Variants in ACVR1B observed in about 807,000 individuals in gnomAD.
ACVR1B encodes the protein activin A receptor type 1B, also known as activin receptor type-1B.
A neutral mutation model predicts 55.6 loss-of-function variants in ACVR1B; 15 were observed. That is an observed-to-expected ratio of 0.27 (90% confidence interval 0.18 to 0.42). ACVR1B has a LOEUF of 0.42. Ranked by LOEUF, ACVR1B falls within the 10% of genes least tolerant of loss-of-function variation. The pLI, the probability that ACVR1B is intolerant of heterozygous loss-of-function variation, is 1.00. For synonymous variants in ACVR1B, 247 were observed against 254.6 expected (o/e 0.97, Z 0.28); for missense variants, 359 against 670.1 (o/e 0.54, Z 5.13).
rs764739753 is a variant in ACVR1B, at chr12:51,984,249, T to G, written c.979+83T>G. On this transcript the variant is annotated intron_variant, in intron 5 of 8. Transcript: ENST00000257963. ...CCTGATTTAGTTCCTAGAATTCCTT[T>G]TTACTGAGGAAGTTGGGGCTGGACC... 109 of 1,496,928 alleles carry G rather than the reference T, an allele frequency of 7.3e-5. 1 individual carries two copies. The Middle Eastern group carries it at 1.2e-3, about 16-fold the overall frequency. 92.7% of individuals were successfully genotyped at this position (1,496,928 alleles called of 1,614,324 possible). A position where few individuals can be genotyped will look rare whatever the true frequency, so the allele number is the denominator to read the frequency against.
intron 1 of ACVR1B, 111 bp downstream of exon 1, chr12:51,951,945 T>C (rs1388756161): frequency 3.6e-6 from 2 of 553,164 alleles, no homozygotes; most frequent in Non-Finnish European, 5.2e-6. Flanking sequence ...GAGCACAATA[T>C]GGCCGGGTGG....
intron 1 of ACVR1B, among the ~76,000 whole-genome samples, chr12:51,962,401 C>T (rs1379130026): frequency 6.6e-6 from 1 of 151,878 alleles, no homozygotes; most frequent in African/African-American, 2.4e-5. Context: ...ACCATTGGCA[C>T]CTGTAAAATT....
At chr12:51,975,546 A>T (rs954658823) in intron 2 of ACVR1B, 42 bp downstream of exon 2, 18 of 1,593,404 alleles carry the variant, frequency 1.1e-5, no homozygotes, top group Non-Finnish European at 1.5e-5. Context: ...CAGCTTGGAG[A>T]TAGGGTACCC....
rs1461886684 is a variant in ACVR1B, at chr12:51,986,438, G to A, written c.1137-380G>A. ...CATGCCTGGCTAATTTTTTGTATTTGTAATAGAGATGGGGTTTCGCGATGT... is the reference window on the plus strand; with the variant it reads ...CATGCCTGGCTAATTTTTTGTATTTATAATAGAGATGGGGTTTCGCGATGT... On this transcript the variant is annotated intron_variant, in intron 6 of 8. Coordinates refer to ENST00000257963, the MANE Select transcript of ACVR1B (RefSeq NM_004302.5). Among the ~76,000 whole-genome samples the A allele has an allele frequency of 9.2e-5, 14 of 152,046 alleles. 1 individual carries two copies. Among genetic ancestry groups the A allele is most frequent in the Admixed American group, 9.2e-4 (14 of 15,262 alleles).
intron 4 of ACVR1B, among the ~76,000 whole-genome samples, chr12:51,981,824 G>A (rs1036693423): frequency 6.6e-6 from 1 of 151,048 alleles, no homozygotes; most frequent in African/African-American, 2.5e-5. Flanking sequence ...ACTCCAGCCT[G>A]GGCGACAGAG....
intron 4 of ACVR1B, 123 bp downstream of exon 4, chr12:51,981,322 G>A: frequency 2.6e-6 from 2 of 776,678 alleles, no homozygotes; most frequent in Non-Finnish European, 4.0e-6. Flanking sequence ...ACTTGAGTAA[G>A]GTCAAGGTTT....
At position 51,985,497 on chromosome 12, in the gene ACVR1B, C is replaced by T. The variant is rs188346231; in HGVS notation, c.1136+149C>T. On this transcript the variant is annotated intron_variant, in intron 6 of 8. Transcript: ENST00000257963. ...CACTGAAAGTTGAATTGAACATGCACTCCCCACAATGGAAAGTTGCATCAC... is the reference window on the plus strand; with the variant it reads ...CACTGAAAGTTGAATTGAACATGCATTCCCCACAATGGAAAGTTGCATCAC... 60 of 865,272 alleles carry T rather than the reference C, an allele frequency of 6.9e-5. No homozygotes were observed. The African/African-American group carries it at 9.1e-4, about 13-fold the overall frequency. The allele number at this position is 865,272 out of a possible 1,614,324, so 53.6% of individuals were successfully genotyped here. A position where few individuals can be genotyped will look rare whatever the true frequency, so the allele number is the denominator to read the frequency against.
chr12:51,954,983 A>G (rs986849604), intron 1 of ACVR1B, among the ~76,000 whole-genome samples: 1 of 152,166 alleles, frequency 6.6e-6, no homozygotes, highest in Non-Finnish European at 1.5e-5. Flanking sequence ...GATTTCCTCA[A>G]GTTAATTTCT....
intron 1 of ACVR1B, among the ~76,000 whole-genome samples, chr12:51,954,000 C>A (rs1400527898): frequency 1.3e-5 from 2 of 152,118 alleles, no homozygotes; most frequent in Non-Finnish European, 2.9e-5. Context: ...CGTCTAGTTG[C>A]CAATAGTGTA....
intron 2 of ACVR1B, among the ~76,000 whole-genome samples, 155 bp from the exon 3 acceptor site, chr12:51,976,172 G>T (rs1941848556): frequency 6.6e-6 from 1 of 151,952 alleles, no homozygotes; most frequent in Non-Finnish European, 1.5e-5. Flanking sequence ...CATCTAGGCA[G>T]CAAGACTAGC....
At chr12:51,962,749 G>A (rs1019345333) in intron 1 of ACVR1B, among the ~76,000 whole-genome samples, 2 of 152,138 alleles carry the variant, frequency 1.3e-5, no homozygotes, top group African/African-American at 2.4e-5. Context: ...ATTAACAATT[G>A]TCTTTCTTTT....
chr12:51,993,753 T>TGA (rs1307272335), intron 8 of ACVR1B, among the ~76,000 whole-genome samples: 1 of 97,374 alleles, frequency 1.0e-5, no homozygotes, highest in Non-Finnish European at 1.9e-5. Flanking sequence ...GGTGACAGAG[T>TGA]GAGACTCCTT....
chr12:51,973,238 G>C (rs1470838435), intron 1 of ACVR1B, among the ~76,000 whole-genome samples: 1 of 152,228 alleles, frequency 6.6e-6, no homozygotes, highest in African/African-American at 2.4e-5. Flanking sequence ...AAAGGCAACT[G>C]TGGGTTTGGG....
intron 8 of ACVR1B, 161 bp downstream of exon 8, chr12:51,992,154 A>G: frequency 1.1e-6 from 1 of 918,620 alleles, no homozygotes; most frequent in South Asian, 1.7e-5. Flanking sequence ...CTTTAGGGCT[A>G]CAGTCTCTTG....
rs993875069 is a variant in ACVR1B at position 51,964,015 on chromosome 12, T to C, written c.92-11250T>C. On this transcript the variant is annotated intron_variant, in intron 1 of 8. Transcript: ENST00000257963. ...TATAAAGTAGTATCTCATTATGGTT[T>C]TGATTTGCATTTGAATTTGCAATAC... Among the ~76,000 whole-genome samples the C allele has an allele frequency of 3.9e-5, 6 of 152,390 alleles. No individual in the cohort carries two copies. The East Asian group carries it at 9.6e-4, about 24-fold the overall frequency.
intron 1 of ACVR1B, among the ~76,000 whole-genome samples, chr12:51,960,858 A>C (rs547334472): frequency 6.6e-6 from 1 of 152,320 alleles, no homozygotes; most frequent in South Asian, 2.1e-4. Flanking sequence ...TGTGGCTTCT[A>C]GGATCAACTC....
intron 1 of ACVR1B, among the ~76,000 whole-genome samples, chr12:51,966,242 A>AG (rs1941638468): frequency 6.6e-6 from 1 of 152,176 alleles, no homozygotes; most frequent in South Asian, 2.1e-4. Flanking sequence ...GAAAATACAG[A>AG]GGAGAGAGGA....
chr12:51,976,394 C>T lies in ACVR1B; in HGVS notation c.399C>T (p.Gly133=). 6.2e-7 allele frequency: 1 copy of T among 1,614,164 alleles called. No individual in the cohort carries two copies. Among genetic ancestry groups the T allele is most frequent in the Non-Finnish European group, 8.5e-7 (1 of 1,180,030 alleles). Residue 133 remains glycine (G), a synonymous_variant, in exon 3 of 9, where the codon GGC becomes GGT. Transcript: ENST00000257963. ...TGGAGCTGGTAGGCATCATCGCCGG[C>T]CCGGTGTTCCTCCTGTTCCTCATCA... ...GPVELVGIIA[G]PVFLLFLIII... is the part of the protein sequence containing the mutation.
intron 1 of ACVR1B, among the ~76,000 whole-genome samples, chr12:51,964,279 C>T (rs759281273): frequency 5.3e-5 from 8 of 152,060 alleles, no homozygotes; most frequent in African/African-American, 1.2e-4. Context: ...TAGTTGGGAC[C>T]GCAGGCATGC....
Sources: allele counts gnomAD v4.1 joint callset (sites outside exome capture counted in the v4.1 genomes callset), GRCh38; gene constraint gnomAD v4.1.1; transcripts MANE v1.5; gene names NCBI Gene and HGNC (gene_info 2026-07-23, HGNC 2026-07-21).